Variants in NEBL observed in about 807,000 individuals in gnomAD.
NEBL encodes the protein LIM and SH3 protein 2.
A neutral mutation model predicts 140.2 loss-of-function variants in NEBL; 122 were observed. That is an observed-to-expected ratio of 0.87 (90% CI 0.75 to 1.01). NEBL has a LOEUF of 1.01. Among genes scored for constraint, NEBL ranks in the 50% least tolerant of loss-of-function variants. The pLI is 0.00. For synonymous variants in NEBL, 436 were observed against 398.9 expected (o/e 1.09, Z -1.11); for missense variants, 1,365 against 1,231.3 (o/e 1.11, Z -1.62).
chr10:21,080,024 C>T (rs992962676), intron 2 of NEBL, among the ~76,000 whole-genome samples: 7 of 152,186 alleles, frequency 4.6e-5, no homozygotes, highest in Non-Finnish European at 7.3e-5. Context: ...ATGATCCTTT[C>T]CTGGTAAGAA....
rs145604287 is a variant in NEBL, at chr10:21,264,839, A to G, written n.183-13011T>C. On this transcript the variant is annotated intron_variant and non_coding_transcript_variant, in intron 1 of 8. Coordinates refer to the NEBL transcript ENST00000675702. ...GGTGCTAGCAGATTCAGTGTCTGGA[A>G]AGGGCTTGTTCTTTTTCAAATATGG... Among the ~76,000 whole-genome samples, 990 of 151,582 alleles carry G rather than the reference A, an allele frequency of 6.5e-3. 8 individuals carry two copies. Among genetic ancestry groups the G allele is most frequent in the African/African-American group, 0.023 (946 of 41,414 alleles).
chr10:20,825,700 T>C (rs908940357), intron 18 of NEBL, among the ~76,000 whole-genome samples: 3 of 151,286 alleles, frequency 2.0e-5, no homozygotes, highest in Non-Finnish European at 2.9e-5. Context: ...TAAATATACA[T>C]GGGAGAATAT....
intron 25 of NEBL, 90 bp downstream of exon 25, chr10:20,809,716 T>C (rs1425606241): frequency 2.8e-6 from 3 of 1,065,388 alleles, no homozygotes; most frequent in African/African-American, 1.6e-5. Flanking sequence ...AAAATTTACA[T>C]TACACAGTAC....
intron 2 of NEBL, among the ~76,000 whole-genome samples, chr10:21,108,912 G>A (rs1220644594): frequency 6.6e-6 from 1 of 151,992 alleles, no homozygotes; most frequent in Non-Finnish European, 1.5e-5. Flanking sequence ...CAACAATGGG[G>A]TTTTCTAAAT....
intron 2 of NEBL, among the ~76,000 whole-genome samples, chr10:21,024,081 A>C (rs76465430): frequency 6.6e-6 from 1 of 151,794 alleles, no homozygotes; most frequent in Non-Finnish European, 1.5e-5. Context: ...AAAAAAAAAA[A>C]ACATTGAAAA....
At chr10:21,148,216 T>C (rs977185417) in intron 2 of NEBL, among the ~76,000 whole-genome samples, 3 of 152,220 alleles carry the variant, frequency 2.0e-5, no homozygotes, top group Admixed American at 2.0e-4. Flanking sequence ...CAGCTTCTTC[T>C]CAAATGATTT....
At chr10:21,132,437 T>C (rs1161645587) in intron 2 of NEBL, among the ~76,000 whole-genome samples, 3 of 152,216 alleles carry the variant, frequency 2.0e-5, no homozygotes, top group Non-Finnish European at 2.9e-5. Flanking sequence ...GCATAATGCT[T>C]CTGTGAACAT....
intron 4 of NEBL, among the ~76,000 whole-genome samples, chr10:20,957,340 T>C (rs1471764172): frequency 6.6e-6 from 1 of 152,192 alleles, no homozygotes; most frequent in Non-Finnish European, 1.5e-5. Context: ...AATAATTATA[T>C]TACAAGATCA....
intron 2 of NEBL, among the ~76,000 whole-genome samples, chr10:21,073,936 G>T (rs191816010): frequency 1.3e-5 from 2 of 152,042 alleles, no homozygotes; most frequent in East Asian, 2.0e-4. Flanking sequence ...TTAGCCGGAC[G>T]TGGTGGCGGG....
Position 20,958,281 on chromosome 10 carries a change from A to T in NEBL, c.357+3391T>A, listed in dbSNP as rs147516483. ...AATAAAGAAAATGTGATGTACAAAG[A>T]TATTTCTGCCATTTCTGAATTTATG... On this transcript the variant is annotated intron_variant, in intron 4 of 6. Transcript: ENST00000417816. 2.2e-3 allele frequency among the ~76,000 whole-genome samples: 331 copies of T among 152,294 alleles called. 2 individuals are homozygous for T. The highest frequency in any genetic ancestry group is 7.6e-3 in the African/African-American group (317 of 41,550).
At chr10:21,250,464 T>C (rs369455437) in intron 2 of NEBL, among the ~76,000 whole-genome samples, 2 of 152,186 alleles carry the variant, frequency 1.3e-5, no homozygotes, top group East Asian at 1.9e-4. Context: ...CTTGTGATTG[T>C]GTAAGTTAAT....
intron 3 of NEBL, among the ~76,000 whole-genome samples, chr10:21,213,773 A>AT (rs1164824452): frequency 6.6e-6 from 1 of 152,060 alleles, no homozygotes; most frequent in East Asian, 1.9e-4. Flanking sequence ...AAATTATTCT[A>AT]TTTTTACTGC....
chr10:21,126,219 C>T (rs924245187), intron 2 of NEBL: 2 of 1,249,364 alleles, frequency 1.6e-6, no homozygotes, highest in African/African-American at 3.0e-5. Flanking sequence ...AACTACATTG[C>T]TGGTTATGTT....
At chr10:21,046,251 G>A (rs549460948) in intron 2 of NEBL, among the ~76,000 whole-genome samples, 1 of 152,208 alleles carries the variant, frequency 6.6e-6, no homozygotes, top group Non-Finnish European at 1.5e-5. Flanking sequence ...GGGAGATGTT[G>A]GTTGATGGGT....
At chr10:20,796,780 T>C (rs1359367753) in intron 26 of NEBL, among the ~76,000 whole-genome samples, 1 of 152,204 alleles carries the variant, frequency 6.6e-6, no homozygotes, top group Non-Finnish European at 1.5e-5. Flanking sequence ...GTAACTATAA[T>C]TCAAACCACA....
chr10:20,870,133 C>A (rs963372549), intron 5 of NEBL, among the ~76,000 whole-genome samples: 8 of 151,812 alleles, frequency 5.3e-5, no homozygotes, highest in African/African-American at 1.9e-4. Flanking sequence ...TCGAGACCAG[C>A]CTGGCCAACA....
At chr10:20,892,306 C>G (rs141693144) in intron 2 of NEBL, among the ~76,000 whole-genome samples, 27 of 152,332 alleles carry the variant, frequency 1.8e-4, no homozygotes, top group African/African-American at 5.8e-4. Context: ...CTGCACAACC[C>G]TGTGACATTC....
rs997336523 is a variant in NEBL at position 20,783,710 on chromosome 10, T to G, written c.*2037A>C. On this transcript the variant is annotated 3_prime_UTR_variant, in exon 28 of 28. Coordinates refer to ENST00000377122, the MANE Select transcript of NEBL (RefSeq NM_006393.3). ...AAATGTAAATATATACTTAGTAAAA[T>G]AAAATTGAGCAGGTATTTTATCCTC... 6.6e-6 allele frequency: 1 copy of G among 152,596 alleles called. No homozygotes were observed. The highest frequency in any genetic ancestry group is 1.5e-5 in the Non-Finnish European group (1 of 68,028). The allele number at this position is 152,596 out of a possible 1,614,324, so 9.5% of individuals were successfully genotyped here.
At chr10:21,025,290 C>T (rs990871612) in intron 2 of NEBL, among the ~76,000 whole-genome samples, 21 of 152,278 alleles carry the variant, frequency 1.4e-4, no homozygotes, top group South Asian at 4.1e-4. Flanking sequence ...TGTTTAGCAT[C>T]ATAAACAGAA....
Sources: allele counts gnomAD v4.1 joint callset (sites outside exome capture counted in the v4.1 genomes callset), GRCh38; gene constraint gnomAD v4.1.1; transcripts MANE v1.5; gene names NCBI Gene and HGNC (gene_info 2026-07-23, HGNC 2026-07-21).